Variants in CFAP77 observed in about 807,000 individuals in gnomAD.
The protein encoded by CFAP77 is cilia and flagella associated protein 77.
A neutral mutation model predicts 31.1 loss-of-function variants in CFAP77; 25 were observed. That is an observed-to-expected ratio of 0.80 (90% CI 0.59 to 1.12). The LOEUF is 1.12. Ranked by LOEUF, CFAP77 falls within the 50% of genes most tolerant of loss-of-function variation. The pLI is 0.00. For synonymous variants in CFAP77, 151 were observed against 159.9 expected (o/e 0.94, Z 0.42); for missense variants, 377 against 397.3 (o/e 0.95, Z 0.44).
intron 5 of CFAP77, among the ~76,000 whole-genome samples, chr9:132,559,443 G>C (rs971485250): frequency 6.7e-6 from 1 of 149,536 alleles, no homozygotes; most frequent in South Asian, 2.1e-4. Flanking sequence ...ACAACATCAT[G>C]AGCCATCACG....
chr9:132,554,163 C>A lies in CFAP77; in HGVS notation c.732+11116C>A, dbSNP rs1852861012. Among the ~76,000 whole-genome samples, 1 of 152,078 alleles carries A rather than the reference C, an allele frequency of 6.6e-6. No homozygotes were observed. The highest frequency in any genetic ancestry group is 1.5e-5 in the Non-Finnish European group (1 of 68,028). On this transcript the variant is annotated intron_variant, in intron 5 of 5. Transcript: ENST00000393216. This position sits in a 1 kb window ranked among gnomAD's most constrained non-coding sequence, Gnocchi z 4.1. ...TCTGTGGAACTCAAAGCCCTATGTC[C>A]CTAATCATCGAGTGCACTGTCATGC...
intron 1 of CFAP77, among the ~76,000 whole-genome samples, chr9:132,433,251 G>A (rs1237334352): frequency 6.6e-6 from 1 of 152,230 alleles, no homozygotes; most frequent in East Asian, 1.9e-4. Flanking sequence ...TAAGTGCAGA[G>A]CTTGCTCAAT....
chr9:132,500,170 A>G (rs1243903372), intron 3 of CFAP77, among the ~76,000 whole-genome samples: 1 of 147,036 alleles, frequency 6.8e-6, no homozygotes, highest in Non-Finnish European at 1.5e-5. Context: ...AAAAAAAAAA[A>G]CCTGTCTCTG....
rs1564223103 is a variant in CFAP77, at chr9:132,486,041, TG to T, written c.196-12653del. Among the ~76,000 whole-genome samples the T allele has an allele frequency of 1.1e-3, 45 of 39,690 alleles. 2 individuals carry two copies. The highest frequency in any genetic ancestry group is 4.4e-3 in the African/African-American group (13 of 2,966). The allele number at this position is 39,690 out of a possible 152,430, so 26.0% of individuals were successfully genotyped here. On this transcript the variant is annotated intron_variant, in intron 1 of 5. Transcript: ENST00000393216. ...ATATATATATATATATATATATATA[TG>T]TATGTATATGTATGTGTGTGTGTGT...
At chr9:132,538,945 G>A (rs1001521902) in intron 4 of CFAP77, among the ~76,000 whole-genome samples, 2 of 151,950 alleles carry the variant, frequency 1.3e-5, no homozygotes, top group Non-Finnish European at 2.9e-5. Flanking sequence ...AAATTAGCTG[G>A]GCGTGGTGGC....
intron 1 of CFAP77, among the ~76,000 whole-genome samples, chr9:132,473,322 T>C (rs1179780193): frequency 6.6e-6 from 1 of 152,192 alleles, no homozygotes; most frequent in Admixed American, 6.5e-5. Context: ...CACTGTGGTA[T>C]GGGTGCCAGG....
At chr9:132,461,601 G>A (rs1452022246) in intron 1 of CFAP77, among the ~76,000 whole-genome samples, 1 of 152,184 alleles carries the variant, frequency 6.6e-6, no homozygotes, top group Non-Finnish European at 1.5e-5. Flanking sequence ...TCAGCAAAGA[G>A]CGACCGAGGA....
chr9:132,468,319 T>C (rs1175692134), intron 1 of CFAP77, among the ~76,000 whole-genome samples: 1 of 152,162 alleles, frequency 6.6e-6, no homozygotes, highest in Non-Finnish European at 1.5e-5. Flanking sequence ...GCCTCCAGCC[T>C]GGGCAACAGA....
At chr9:132,555,134 T>C (rs1261496561) in intron 5 of CFAP77, among the ~76,000 whole-genome samples, 2 of 152,214 alleles carry the variant, frequency 1.3e-5, no homozygotes, top group African/African-American at 4.8e-5. Context: ...ATGCCCACAA[T>C]ATGGCATTAA....
Position 132,511,882 on chromosome 9 carries a change from C to T in CFAP77, c.524+12282C>T, listed in dbSNP as rs1589896838. Among the ~76,000 whole-genome samples the T allele has an allele frequency of 6.6e-6, 1 of 152,082 alleles. No homozygotes were observed. The highest frequency in any genetic ancestry group is 2.1e-4 in the South Asian group (1 of 4,824). ...CAGCCTGACCAATATGGTGAAATCCCGTCTCTACCAAAGATACAAAAATTA... is the reference window on the plus strand; with the variant it reads ...CAGCCTGACCAATATGGTGAAATCCTGTCTCTACCAAAGATACAAAAATTA... On this transcript the variant is annotated intron_variant, in intron 3 of 5. Transcript: ENST00000393216. The surrounding 1 kb of genome is among the most constrained non-coding windows in gnomAD (Gnocchi z 5.8).
chr9:132,530,865 T>C (rs1852432612), intron 3 of CFAP77, among the ~76,000 whole-genome samples: 1 of 152,208 alleles, frequency 6.6e-6, no homozygotes, highest in Admixed American at 6.5e-5. Flanking sequence ...TCCCAAACAT[T>C]TTCTCCTATG....
intron 1 of CFAP77, among the ~76,000 whole-genome samples, chr9:132,459,362 C>T (rs1409326474): frequency 3.3e-5 from 5 of 152,226 alleles, no homozygotes; most frequent in African/African-American, 4.8e-5. Context: ...TGAACCACCG[C>T]GCCCGGCCAC....
At chr9:132,429,618 G>C (rs1377884627) in intron 1 of CFAP77, among the ~76,000 whole-genome samples, 3 of 151,148 alleles carry the variant, frequency 2.0e-5, no homozygotes, top group Admixed American at 6.6e-5. Flanking sequence ...GCCAAGGCGG[G>C]TGGATCACAA....
rs1220942903 is a variant in CFAP77 at position 132,545,973 on chromosome 9, G to A, written c.732+2926G>A. 2.0e-5 allele frequency among the ~76,000 whole-genome samples: 3 copies of A among 152,062 alleles called. No individual in the cohort carries two copies. The highest frequency in any genetic ancestry group is 7.2e-5 in the African/African-American group (3 of 41,412). ...CTTAACTCTGCAATTAATTAACTGGGCAATTTTTTTCATCTTGCTCAGTAA... is the reference window on the plus strand; with the variant it reads ...CTTAACTCTGCAATTAATTAACTGGACAATTTTTTTCATCTTGCTCAGTAA... On this transcript the variant is annotated intron_variant, in intron 5 of 5. Coordinates refer to ENST00000393216, the MANE Select transcript of CFAP77 (RefSeq NM_001282957.2). This position sits in a 1 kb window ranked among gnomAD's most constrained non-coding sequence, Gnocchi z 4.6.
intron 1 of CFAP77, among the ~76,000 whole-genome samples, chr9:132,470,730 C>T (rs980208750): frequency 1.3e-5 from 2 of 152,196 alleles, no homozygotes; most frequent in Admixed American, 6.5e-5. Context: ...TTAATGTGGC[C>T]GGGCACGGTG....
chr9:132,560,115 A>G (rs1280741348), intron 5 of CFAP77, among the ~76,000 whole-genome samples: 2 of 152,216 alleles, frequency 1.3e-5, no homozygotes, highest in African/African-American at 2.4e-5. Context: ...TGGGTTGTAC[A>G]ATCCTAAGAA....
intron 5 of CFAP77, among the ~76,000 whole-genome samples, chr9:132,553,599 C>T (rs1852854123): frequency 6.6e-6 from 1 of 152,220 alleles, no homozygotes; most frequent in Admixed American, 6.5e-5. Flanking sequence ...CCTTCTCTCC[C>T]TTCCACATGA....
At chr9:132,448,592 T>C (rs1331980086) in intron 1 of CFAP77, among the ~76,000 whole-genome samples, 1 of 152,138 alleles carries the variant, frequency 6.6e-6, no homozygotes, top group Admixed American at 6.5e-5. Flanking sequence ...TTTGTTTTTG[T>C]TTTTGCTTTT....
intron 1 of CFAP77, among the ~76,000 whole-genome samples, chr9:132,428,371 A>G (rs1415301428): frequency 6.6e-6 from 1 of 152,002 alleles, no homozygotes; most frequent in Non-Finnish European, 1.5e-5. Flanking sequence ...CTGTAATCCC[A>G]GCACTTTGGG....
Sources: allele counts gnomAD v4.1 joint callset (sites outside exome capture counted in the v4.1 genomes callset), GRCh38; gene constraint gnomAD v4.1.1; non-coding constraint Gnocchi (gnomAD v3.1); transcripts MANE v1.5; gene names NCBI Gene and HGNC (gene_info 2026-07-23, HGNC 2026-07-21).